GPR158: variants seen among roughly 807,000 people sequenced by gnomAD.
The protein encoded by GPR158 is G protein-coupled receptor 158, also known as metabotropic glycine receptor.
GPR158 carries 30 observed loss-of-function variants against 78.2 expected under a neutral mutation model. The observed-to-expected ratio is 0.38, with a 90% CI of 0.29 to 0.52. The LOEUF (loss-of-function observed/expected upper bound fraction) is 0.52. Ranked by LOEUF, GPR158 falls within the 20% of genes least tolerant of loss-of-function variation. The pLI is 0.83. For missense variants in GPR158, 1,463 were observed against 1,523.5 expected, an observed-to-expected ratio of 0.96 and a Z score of 0.66; for synonymous variants, 581 against 591.1, an observed-to-expected ratio of 0.98 and a Z score of 0.25.
chr10:25,596,433 G>A (rs534740303), intron 9 of GPR158, among the ~76,000 whole-genome samples: 11 of 152,080 alleles, frequency 7.2e-5, no homozygotes, highest in Admixed American at 7.2e-4. Flanking sequence ...AATAGCTGCT[G>A]CTCTCCTGGC....
intron 2 of GPR158, among the ~76,000 whole-genome samples, chr10:25,253,337 C>T (rs969061825): frequency 6.6e-6 from 1 of 152,128 alleles, no homozygotes; most frequent in South Asian, 2.1e-4. Context: ...TTGGCACCTC[C>T]CCCCAATTTA....
intron 3 of GPR158, among the ~76,000 whole-genome samples, chr10:25,402,744 TCA>T (rs1478589103): frequency 6.6e-6 from 1 of 152,004 alleles, no homozygotes; most frequent in Non-Finnish European, 1.5e-5. Flanking sequence ...TTAAATGATA[TCA>T]CAGTTATAAA....
chr10:25,375,300 C>T (rs886370587), intron 2 of GPR158, among the ~76,000 whole-genome samples: 1 of 151,480 alleles, frequency 6.6e-6, no homozygotes, highest in Non-Finnish European at 1.5e-5. Context: ...AGGTTGCTTG[C>T]CATCATTTCT....
intron 2 of GPR158, among the ~76,000 whole-genome samples, chr10:25,358,953 T>C (rs1253394361): frequency 6.6e-6 from 1 of 152,076 alleles, no homozygotes; most frequent in Non-Finnish European, 1.5e-5. Context: ...TGAATTAAGT[T>C]TTTTCTAGGT....
At position 25,332,135 on chromosome 10, in the gene GPR158, C is replaced by T. The variant is rs572717292; in HGVS notation, c.1009-63776C>T. Among the ~76,000 whole-genome samples the T allele has an allele frequency of 1.2e-4, 19 of 152,086 alleles. No individual in the cohort carries two copies. In the South Asian group the frequency reaches 3.3e-3, roughly 27 times the overall value. ...CACCTGGGGGGGGGCGAATACATTTCTGGTTTCCCATACCTAGAGATTCTG... is the reference window on the plus strand; with the variant it reads ...CACCTGGGGGGGGGCGAATACATTTTTGGTTTCCCATACCTAGAGATTCTG... On this transcript the variant is annotated intron_variant, in intron 2 of 10. Coordinates refer to ENST00000376351, the MANE Select transcript of GPR158 (RefSeq NM_020752.3).
intron 5 of GPR158, among the ~76,000 whole-genome samples, chr10:25,488,514 A>G (rs1835762667): frequency 6.6e-6 from 1 of 152,202 alleles, no homozygotes; most frequent in South Asian, 2.1e-4. Context: ...AAAAAAAGAT[A>G]AAGAAGTCTC....
chr10:25,478,382 A>C (rs1389076469), intron 5 of GPR158, among the ~76,000 whole-genome samples: 1 of 152,148 alleles, frequency 6.6e-6, no homozygotes. Flanking sequence ...ACAATGAAAA[A>C]GGTAAAAGAT....
intron 2 of GPR158, among the ~76,000 whole-genome samples, chr10:25,298,507 C>A (rs1343412186): frequency 6.6e-6 from 1 of 152,100 alleles, no homozygotes; most frequent in African/African-American, 2.4e-5. Context: ...AAAAATGGTG[C>A]TTTTGATTCT....
At chr10:25,479,392 T>G (rs1445215769) in intron 5 of GPR158, among the ~76,000 whole-genome samples, 1 of 152,098 alleles carries the variant, frequency 6.6e-6, no homozygotes, top group East Asian at 1.9e-4. Context: ...GAAGATAGCT[T>G]GATTTCTGTC....
intron 5 of GPR158, among the ~76,000 whole-genome samples, chr10:25,481,511 A>C (rs745720009): frequency 1.3e-5 from 2 of 152,184 alleles, no homozygotes; most frequent in Non-Finnish European, 2.9e-5. Context: ...GTGTATGAGA[A>C]AGTTAAACCT....
chr10:25,530,130 T>C (rs1201102861), intron 5 of GPR158, among the ~76,000 whole-genome samples: 1 of 152,160 alleles, frequency 6.6e-6, no homozygotes, highest in Non-Finnish European at 1.5e-5. Flanking sequence ...GTCGTCCTTA[T>C]ACTTCTGAGA....
chr10:25,355,851 C>G (rs1855543197), intron 2 of GPR158, among the ~76,000 whole-genome samples: 1 of 151,956 alleles, frequency 6.6e-6, no homozygotes, highest in South Asian at 2.1e-4. Context: ...CCCAGGGAAC[C>G]TAAAGAACAA....
At chr10:25,253,607 G>T (rs914167504) in intron 2 of GPR158, among the ~76,000 whole-genome samples, 1 of 152,260 alleles carries the variant, frequency 6.6e-6, no homozygotes, top group Middle Eastern at 3.4e-3. Flanking sequence ...CAAGCTTGCT[G>T]TGTAGAAGAT....
At chr10:25,217,811 G>A (rs1377359579) in intron 1 of GPR158, among the ~76,000 whole-genome samples, 5 of 152,128 alleles carry the variant, frequency 3.3e-5, no homozygotes, top group African/African-American at 1.2e-4. Flanking sequence ...GGTCTGTAGT[G>A]TAGCTAAGCA....
chr10:25,326,349 CTA>C (rs1355450621), intron 2 of GPR158, among the ~76,000 whole-genome samples: 3 of 130,126 alleles, frequency 2.3e-5, no homozygotes, highest in African/African-American at 9.3e-5. Context: ...TTTATGTAGT[CTA>C]TCATTGTTGC....
intron 4 of GPR158, among the ~76,000 whole-genome samples, chr10:25,452,631 G>C (rs937794152): frequency 6.6e-6 from 1 of 152,150 alleles, no homozygotes; most frequent in Non-Finnish European, 1.5e-5. Context: ...CAAGGCCTTA[G>C]GGGTCTTACT....
chr10:25,264,585 C>G, intron 2 of GPR158, among the ~76,000 whole-genome samples: 1 of 152,192 alleles, frequency 6.6e-6, no homozygotes, highest in Non-Finnish European at 1.5e-5. Context: ...AATCTATACA[C>G]AGAACTGTGA....
chr10:25,561,623 C>CA (rs772932600), intron 6 of GPR158, among the ~76,000 whole-genome samples: 7 of 152,170 alleles, frequency 4.6e-5, no homozygotes, highest in Non-Finnish European at 8.8e-5. Context: ...GGAGCACAAA[C>CA]ACCCAATGGC....
chr10:25,416,414 C>T (rs2130554126), intron 4 of GPR158, among the ~76,000 whole-genome samples: 1 of 152,148 alleles, frequency 6.6e-6, no homozygotes, highest in South Asian at 2.1e-4. Context: ...GGAGTGATTA[C>T]TTAGTGTGCA....
Sources: allele counts gnomAD v4.1 joint callset (sites outside exome capture counted in the v4.1 genomes callset), GRCh38; gene constraint gnomAD v4.1.1; transcripts MANE v1.5; gene names NCBI Gene and HGNC (gene_info 2026-07-23, HGNC 2026-07-21).